Variants in PBX1 observed in about 807,000 individuals in gnomAD.
PBX1 encodes PBX homeobox 1, also known as pre-B-cell leukemia transcription factor 1.
A neutral mutation model predicts 53.4 loss-of-function variants in PBX1; 6 were observed. The observed-to-expected ratio is 0.11, with a 90% CI of 0.06 to 0.22. The LOEUF is 0.22. Among genes scored for constraint, PBX1 ranks in the 10% least tolerant of loss-of-function variants. The pLI is 1.00. For missense variants in PBX1, 251 were observed against 551.4 expected (o/e 0.46, Z 5.46); for synonymous variants, 204 against 212.3 (o/e 0.96, Z 0.34).
At chr1:164,737,411 C>G (rs192290700) in intron 2 of PBX1, among the ~76,000 whole-genome samples, 226 of 150,812 alleles carry the variant, frequency 1.5e-3, no homozygotes, top group African/African-American at 5.0e-3. Context: ...AATAATTCAC[C>G]AATTTTAAGT....
At chr1:164,803,156 C>T (rs1005246847) in intron 4 of PBX1, among the ~76,000 whole-genome samples, 1 of 152,300 alleles carries the variant, frequency 6.6e-6, no homozygotes, top group Middle Eastern at 3.4e-3. Flanking sequence ...CTCTTACTAT[C>T]TGCCCGATGT....
chr1:164,670,175 C>T (rs1462852284), intron 2 of PBX1, among the ~76,000 whole-genome samples: 3 of 152,168 alleles, frequency 2.0e-5, no homozygotes, highest in African/African-American at 7.2e-5. Flanking sequence ...TTGGTTTCTT[C>T]CCTTTACACC....
intron 2 of PBX1, among the ~76,000 whole-genome samples, chr1:164,586,832 A>C (rs1262544220): frequency 6.6e-6 from 1 of 152,096 alleles, no homozygotes; most frequent in Non-Finnish European, 1.5e-5. Context: ...TTGAACAGAG[A>C]GGTGTGATTG....
chr1:164,692,957 C>G (rs1020548821), intron 2 of PBX1, among the ~76,000 whole-genome samples: 3 of 152,184 alleles, frequency 2.0e-5, no homozygotes, highest in Non-Finnish European at 2.9e-5. Flanking sequence ...TGGGTTCTTT[C>G]TACCACAGCA....
intron 2 of PBX1, among the ~76,000 whole-genome samples, chr1:164,693,751 A>G (rs538842129): frequency 6.6e-6 from 1 of 152,298 alleles, no homozygotes; most frequent in African/African-American, 2.4e-5. Flanking sequence ...CCTGAGTATC[A>G]TGTAGCCAAT....
intron 2 of PBX1, among the ~76,000 whole-genome samples, chr1:164,744,656 T>C (rs1665799899): frequency 6.6e-6 from 1 of 152,100 alleles, no homozygotes; most frequent in Non-Finnish European, 1.5e-5. Flanking sequence ...CAGTAAATAA[T>C]TTCTCCCCAC....
chr1:164,720,680 CCGG>C (rs1410483711), intron 2 of PBX1, among the ~76,000 whole-genome samples: 2 of 152,136 alleles, frequency 1.3e-5, no homozygotes, highest in Admixed American at 1.3e-4. Flanking sequence ...AGTGACCAAA[CCGG>C]GGGCTCAAGT....
At chr1:164,773,241 G>GCACACACACACACACA (rs746140319) in intron 2 of PBX1, among the ~76,000 whole-genome samples, 10,202 of 135,004 alleles carry the variant, frequency 0.076, 569 homozygotes, top group Admixed American at 0.17. Context: ...TAGGTAACAC[G>GCACACACACACACACA]CGCACACACA....
At chr1:164,603,460 C>A (rs1656318298) in intron 2 of PBX1, among the ~76,000 whole-genome samples, 1 of 152,136 alleles carries the variant, frequency 6.6e-6, no homozygotes, top group Non-Finnish European at 1.5e-5. Context: ...TATAATTATA[C>A]CTGGATATGG....
At chr1:164,774,314 T>C (rs912651140) in intron 2 of PBX1, 1 of 152,254 alleles carries the variant, frequency 6.6e-6, no homozygotes, top group East Asian at 1.9e-4. Flanking sequence ...CATTAAATGC[T>C]GGACTCTCAA....
intron 2 of PBX1, among the ~76,000 whole-genome samples, chr1:164,882,642 G>A (rs2102467567): frequency 6.6e-6 from 1 of 152,222 alleles, no homozygotes; most frequent in African/African-American, 2.4e-5. Context: ...GTCTCACTAT[G>A]TTGATTAGGC....
chr1:164,635,563 GGC>G (rs1180332872), intron 2 of PBX1, among the ~76,000 whole-genome samples: 10 of 152,338 alleles, frequency 6.6e-5, no homozygotes, highest in Non-Finnish European at 1.5e-4. Context: ...TTGGGTCTGA[GGC>G]GCGCGCGGGC....
intron 2 of PBX1, among the ~76,000 whole-genome samples, chr1:164,715,857 G>A (rs570828189): frequency 3.9e-5 from 6 of 152,150 alleles, no homozygotes; most frequent in East Asian, 1.9e-4. Context: ...TCTATAACTC[G>A]CACTGGCCAG....
chr1:164,799,960 G>T, intron 4 of PBX1, 71 bp downstream of exon 4: 1 of 1,396,632 alleles, frequency 7.2e-7, no homozygotes, highest in Non-Finnish European at 9.8e-7. Context: ...CACAGCCGCT[G>T]CCCCCTTCAG....
chr1:164,709,867 C>T (rs565547911), intron 2 of PBX1, among the ~76,000 whole-genome samples: 16 of 152,266 alleles, frequency 1.1e-4, no homozygotes, highest in African/African-American at 3.4e-4. Flanking sequence ...GTCTCGGGTC[C>T]GGAGTGCTGT....
chr1:164,559,811 T>A lies in PBX1; in HGVS notation c.-12T>A. 6.5e-7 allele frequency: 1 copy of A among 1,541,274 alleles called. No homozygotes were observed. Among genetic ancestry groups the A allele is most frequent in the South Asian group, 1.2e-5 (1 of 83,582 alleles). ...GAAGAGGAAGAGCCGGGGGCTGCCG[T>A]AGCCTTTGGAGATGGACGAGCAGCC... is the stretch of plus-strand genomic sequence containing the variant. On this transcript the variant is annotated 5_prime_UTR_variant, in exon 1 of 9. Transcript: ENST00000420696.
intron 2 of PBX1, chr1:164,683,101 CTG>C (rs1487077185): frequency 6.6e-6 from 1 of 152,208 alleles, no homozygotes; most frequent in Non-Finnish European, 1.5e-5. Flanking sequence ...CTCAAAGCTG[CTG>C]ATATGTATTA....
intron 4 of PBX1, among the ~76,000 whole-genome samples, chr1:164,806,738 T>C (rs1455912417): frequency 6.6e-6 from 1 of 152,112 alleles, no homozygotes. Flanking sequence ...ATGAATAACT[T>C]GAATTGATTG....
intron 2 of PBX1, among the ~76,000 whole-genome samples, chr1:164,745,139 G>A (rs1665826549): frequency 6.6e-6 from 1 of 152,048 alleles, no homozygotes; most frequent in Non-Finnish European, 1.5e-5. Context: ...TTTCCGCTAT[G>A]CCACATTGCC....
Sources: gnomAD v4.1 joint callset for allele counts (sites outside exome capture counted in the v4.1 genomes callset) on GRCh38, gnomAD v4.1.1 for gene constraint, MANE v1.5 for transcripts, NCBI Gene and HGNC (gene_info 2026-07-23, HGNC 2026-07-21) for gene names.